Variants in KIDINS220 observed in about 807,000 individuals in gnomAD.
KIDINS220 encodes the protein kinase D interacting substrate 220, also known as kinase D-interacting substrate of 220 kDa.
Under a neutral mutation model 157.6 loss-of-function variants are expected in KIDINS220, and 63 were observed. That is an observed-to-expected ratio of 0.40 (90% CI 0.33 to 0.49). The LOEUF (loss-of-function observed/expected upper bound fraction) is 0.49. Ranked by LOEUF, KIDINS220 falls within the 20% of genes least tolerant of loss-of-function variation. The pLI, the probability that KIDINS220 is intolerant of heterozygous loss-of-function variation, is 0.66. For missense variants in KIDINS220, 1,772 were observed against 2,171.2 expected, an observed-to-expected ratio of 0.82 and a Z score of 3.65; for synonymous variants, 732 against 783.6, an observed-to-expected ratio of 0.93 and a Z score of 1.10.
At chr2:8,814,148 G>A (rs182936559) in intron 4 of KIDINS220, among the ~76,000 whole-genome samples, 125 of 152,238 alleles carry the variant, frequency 8.2e-4, no homozygotes, top group African/African-American at 2.1e-3. Context: ...ATTTCCAGAG[G>A]TAGGCAAAGT....
intron 26 of KIDINS220, among the ~76,000 whole-genome samples, chr2:8,745,850 C>T (rs1442560264): frequency 6.6e-6 from 1 of 152,166 alleles, no homozygotes; most frequent in Non-Finnish European, 1.5e-5. Context: ...TTAAAAATTA[C>T]AGATAAACTT....
intron 2 of KIDINS220, among the ~76,000 whole-genome samples, chr2:8,821,381 C>T (rs1261493731): frequency 6.6e-6 from 1 of 151,586 alleles, no homozygotes; most frequent in Non-Finnish European, 1.5e-5. Flanking sequence ...GCCTCACTTG[C>T]AGCTGGAAAT....
chr2:8,770,714 A>G lies in KIDINS220; in HGVS notation c.2967T>C (p.Thr989=). 1.2e-6 allele frequency: 2 copies of G among 1,610,236 alleles called. No homozygotes were observed. Among genetic ancestry groups the G allele is most frequent in the Non-Finnish European group, 1.7e-6 (2 of 1,177,712 alleles). ...ATGTCATTTGATCTGGAATACCTTC[A>G]GTCTCTTCCAAATATAATATGAGCC... ...TSWLILYLEE[T]EGIPDQMTLK... is the part of the protein sequence containing the mutation. Residue 989 remains threonine, a synonymous_variant, in exon 22 of 30, where the codon ACT becomes ACC. Coordinates refer to ENST00000256707, the MANE Select transcript of KIDINS220 (RefSeq NM_020738.4).
chr2:8,828,361 A>T (rs1418798042), intron 1 of KIDINS220, among the ~76,000 whole-genome samples: 1 of 152,106 alleles, frequency 6.6e-6, no homozygotes, highest in Non-Finnish European at 1.5e-5. Context: ...CTTCACTGTC[A>T]CCCTGCACTC....
chr2:8,757,902 G>A (rs1381109628), intron 22 of KIDINS220: 13 of 934,932 alleles, frequency 1.4e-5, no homozygotes. Flanking sequence ...CACTCTTGTT[G>A]CCCAGGCTGG....
chr2:8,735,278 T>A (rs1422022332), intron 27 of KIDINS220, among the ~76,000 whole-genome samples: 1 of 152,212 alleles, frequency 6.6e-6, no homozygotes, highest in Admixed American at 6.5e-5. Context: ...ACGCATGTAA[T>A]CCCAGAACTT....
In KIDINS220 at chr2:8,733,567, G is replaced by A; in HGVS notation, c.3930C>T (p.His1310=). Residue 1310 remains histidine, a synonymous_variant, in exon 29 of 30, where the codon CAC becomes CAT. Transcript: ENST00000256707. The stretch of plus-strand genomic sequence containing the variant: ...AGAGCTCGGTGTGAGGCAGCTCGTT[G>A]TGGGAAGCGCGGCGAGCAGGCTCAC... The part of the protein sequence containing the change: ...PHGEPARRAS[H]NELPHTELSS... 1.2e-6 allele frequency: 2 copies of A among 1,614,118 alleles called. No individual in the cohort carries two copies. The highest frequency in any genetic ancestry group is 2.7e-5 in the African/African-American group (2 of 75,046).
At chr2:8,758,753 T>C (rs2148095497) in intron 22 of KIDINS220, among the ~76,000 whole-genome samples, 2 of 152,334 alleles carry the variant, frequency 1.3e-5, no homozygotes, top group South Asian at 4.1e-4. Flanking sequence ...GTTTTAATCA[T>C]TCCTAATATT....
chr2:8,790,711 G>T (rs1280713759), intron 13 of KIDINS220, among the ~76,000 whole-genome samples: 2 of 152,212 alleles, frequency 1.3e-5, no homozygotes, highest in Non-Finnish European at 2.9e-5. Flanking sequence ...AGCAACCTGG[G>T]AAACACATCT....
chr2:8,756,156 A>AT (rs1284965135), intron 22 of KIDINS220, among the ~76,000 whole-genome samples: 1 of 152,134 alleles, frequency 6.6e-6, no homozygotes, highest in Middle Eastern at 3.2e-3. Context: ...TCTTTTAGCA[A>AT]TTTTTTTAAG....
chr2:8,802,361 T>C (rs1375280435), intron 8 of KIDINS220, among the ~76,000 whole-genome samples: 2 of 151,706 alleles, frequency 1.3e-5, no homozygotes, highest in African/African-American at 4.8e-5. Flanking sequence ...TGGGAAGTGA[T>C]AGTGGAATGA....
Position 8,747,974 on chromosome 2 carries a change from C to T in KIDINS220, c.3441G>A (p.Thr1147=), listed in dbSNP as rs949641812. ...GGGAGCCGCCAGGGTAATACCTTGG[C>T]GTGTAAAGGTATGGGGCAAAGAATG... The part of the protein sequence containing the change: ...NRPFFAPYLY[T]PRYYPGGSQH... Residue 1147 remains threonine, a synonymous_variant, in exon 25 of 30, where the codon ACG becomes ACA. Transcript: ENST00000256707. The T allele has an allele frequency of 5.7e-6, 9 of 1,588,412 alleles. No individual in the cohort carries two copies. Among genetic ancestry groups the T allele is most frequent in the African/African-American group, 4.1e-5 (3 of 73,192 alleles).
chr2:8,785,530 G>A (rs1418427567), intron 17 of KIDINS220, among the ~76,000 whole-genome samples: 3 of 152,082 alleles, frequency 2.0e-5, no homozygotes, highest in Admixed American at 6.6e-5. Context: ...GGGTATATGG[G>A]ATATCTTTGC....
intron 21 of KIDINS220, 55 bp downstream of exon 21, chr2:8,776,693 T>C (rs879631372): frequency 8.0e-6 from 12 of 1,505,444 alleles, no homozygotes; most frequent in Non-Finnish European, 1.0e-5. Flanking sequence ...AATTAAATGG[T>C]TTTGTGAATG....
At chr2:8,792,848 A>G (rs1301751503) in intron 12 of KIDINS220, among the ~76,000 whole-genome samples, 1 of 152,202 alleles carries the variant, frequency 6.6e-6, no homozygotes, top group Non-Finnish European at 1.5e-5. Context: ...TAAAAATAAG[A>G]GTCAATGGAT....
chr2:8,795,446 C>G (rs1365277715), intron 11 of KIDINS220, among the ~76,000 whole-genome samples: 4 of 152,168 alleles, frequency 2.6e-5, no homozygotes, highest in Non-Finnish European at 5.9e-5. Flanking sequence ...AATCAGAGAG[C>G]AGTGACGGGC....
chr2:8,791,850 T>C (rs1673232763), intron 12 of KIDINS220, among the ~76,000 whole-genome samples: 1 of 152,126 alleles, frequency 6.6e-6, no homozygotes, highest in South Asian at 2.1e-4. Context: ...CATGAGAATT[T>C]TGTTTTAATT....
intron 20 of KIDINS220, 138 bp downstream of exon 20, chr2:8,778,501 G>A (rs923814436): frequency 1.4e-6 from 1 of 717,026 alleles, no homozygotes; most frequent in Non-Finnish European, 2.5e-6. Context: ...ACATGAAGCT[G>A]AAAGGAAATT....
chr2:8,774,665 A>G (rs1229128701), intron 21 of KIDINS220, among the ~76,000 whole-genome samples: 1 of 152,180 alleles, frequency 6.6e-6, no homozygotes, highest in Non-Finnish European at 1.5e-5. Flanking sequence ...CATATCTGAC[A>G]TTTTCAAGGA....
Sources: gnomAD v4.1 joint callset for allele counts (sites outside exome capture counted in the v4.1 genomes callset) on GRCh38, gnomAD v4.1.1 for gene constraint, MANE v1.5 for transcripts, NCBI Gene and HGNC (gene_info 2026-07-23, HGNC 2026-07-21) for gene names.